MSRA: variants seen among roughly 807,000 people sequenced by gnomAD.
MSRA encodes mitochondrial peptide methionine sulfoxide reductase.
Under a neutral mutation model 31.3 loss-of-function variants are expected in MSRA, and 54 were observed. That is an observed-to-expected ratio of 1.73 (90% CI 1.39 to 2.17). MSRA has a LOEUF of 2.17. MSRA is among the 30% of genes most tolerant of loss of function. The probability of loss-of-function intolerance (pLI) is 0.00; values close to 1 mark genes in which losing one functional copy is unlikely to be tolerated. For synonymous variants in MSRA, 169 were observed against 116.5 expected (o/e 1.45, Z -2.90); for missense variants, 507 against 300.9 (o/e 1.69, Z -5.07).
chr8:10,144,929 T>C (rs1803011926), intron 1 of MSRA, among the ~76,000 whole-genome samples: 3 of 151,786 alleles, frequency 2.0e-5, no homozygotes, highest in African/African-American at 7.3e-5. Flanking sequence ...GCAAAGACTC[T>C]GCCTTCAAAC....
rs572825490 is a variant in MSRA at position 10,181,478 on chromosome 8, C to T, written c.143-26355C>T. ...AAAAACAATGGGAGAGGAAATGAGGCCGAAGACCCATCAGGGATAGATTCT... is the reference window on the plus strand; with the variant it reads ...AAAAACAATGGGAGAGGAAATGAGGTCGAAGACCCATCAGGGATAGATTCT... On this transcript the variant is annotated intron_variant, in intron 1 of 5. Transcript: ENST00000317173. Among the ~76,000 whole-genome samples, 19 of 150,888 alleles carry T rather than the reference C, an allele frequency of 1.3e-4. No homozygotes were observed. The South Asian group carries it at 4.0e-3, about 32-fold the overall frequency.
At chr8:10,196,290 A>C (rs930430311) in intron 1 of MSRA, among the ~76,000 whole-genome samples, 2 of 151,530 alleles carry the variant, frequency 1.3e-5, no homozygotes, top group Non-Finnish European at 2.9e-5. Context: ...GAAACATTTA[A>C]TGATGTTTTG....
intron 3 of MSRA, among the ~76,000 whole-genome samples, chr8:10,290,984 C>T (rs921815421): frequency 1.3e-5 from 2 of 152,074 alleles, no homozygotes; most frequent in Non-Finnish European, 2.9e-5. Flanking sequence ...CTGGAAAATC[C>T]AGCTCAAAGG....
intron 5 of MSRA, among the ~76,000 whole-genome samples, chr8:10,339,414 A>G (rs899119050): frequency 6.6e-6 from 1 of 151,442 alleles, no homozygotes; most frequent in South Asian, 2.1e-4. Context: ...AATTGGATCT[A>G]TTTAGATGTC....
intron 2 of MSRA, among the ~76,000 whole-genome samples, chr8:10,233,462 G>C (rs1280516272): frequency 6.6e-6 from 1 of 152,198 alleles, no homozygotes; most frequent in African/African-American, 2.4e-5. Context: ...GTTCAAAGAG[G>C]TCAGTGAAGA....
At chr8:10,201,568 A>T (rs921105112) in intron 1 of MSRA, among the ~76,000 whole-genome samples, 2 of 152,174 alleles carry the variant, frequency 1.3e-5, no homozygotes, top group South Asian at 4.1e-4. Flanking sequence ...TGATTGGTTT[A>T]TGCCTGATTT....
intron 2 of MSRA, among the ~76,000 whole-genome samples, chr8:10,216,640 C>G (rs1009149934): frequency 1.3e-5 from 2 of 152,206 alleles, no homozygotes; most frequent in Admixed American, 1.3e-4. Flanking sequence ...TTTGACTACT[C>G]TAGGGACCTC....
intron 2 of MSRA, among the ~76,000 whole-genome samples, chr8:10,214,477 T>G (rs1481326057): frequency 6.6e-6 from 1 of 152,092 alleles, no homozygotes; most frequent in Non-Finnish European, 1.5e-5. Flanking sequence ...CAAAGGGAAG[T>G]GTCTTGGTGT....
chr8:10,201,384 A>C (rs1346635763), intron 1 of MSRA, among the ~76,000 whole-genome samples: 1 of 152,034 alleles, frequency 6.6e-6, no homozygotes, highest in African/African-American at 2.4e-5. Context: ...TCCTGAGATG[A>C]TTTTGTGTCT....
intron 5 of MSRA, among the ~76,000 whole-genome samples, chr8:10,394,350 A>G (rs935365358): frequency 6.6e-6 from 1 of 152,238 alleles, no homozygotes; most frequent in Admixed American, 6.5e-5. Context: ...GTGTCAAGCC[A>G]TAAACAGAGT....
At chr8:10,256,025 C>T (rs1798159062) in intron 3 of MSRA, among the ~76,000 whole-genome samples, 1 of 152,050 alleles carries the variant, frequency 6.6e-6, no homozygotes, top group Admixed American at 6.6e-5. Context: ...GTTGAGTTCA[C>T]TCTTGATGTT....
rs1338158944 is a variant in MSRA, at chr8:10,292,453, C to T, written c.332-9081C>T. On this transcript the variant is annotated intron_variant, in intron 3 of 5. Transcript: ENST00000317173. ...TGATCCCAAGTAGAATAAGATGGGG[C>T]GGCAGGGCCGGGTGTGGAAGGAAAC... Among the ~76,000 whole-genome samples the T allele has an allele frequency of 2.6e-5, 4 of 152,346 alleles. No homozygotes were observed. The East Asian group carries it at 5.8e-4, about 22-fold the overall frequency.
At position 10,195,793 on chromosome 8, in the gene MSRA, A is replaced by G. The variant is rs551312464; in HGVS notation, c.143-12040A>G. ...AAGACAAGTTTGCTGTAAAGTTTAT[A>G]ATGACACAGTTCATGCTCCATTTTT... On this transcript the variant is annotated intron_variant, in intron 1 of 5. Coordinates refer to ENST00000317173, the MANE Select transcript of MSRA (RefSeq NM_012331.5). 3.3e-5 allele frequency among the ~76,000 whole-genome samples: 5 copies of G among 152,362 alleles called. No individual in the cohort carries two copies. The South Asian group carries it at 8.3e-4, about 25-fold the overall frequency.
intron 5 of MSRA, among the ~76,000 whole-genome samples, chr8:10,348,948 T>A (rs942978132): frequency 6.6e-6 from 1 of 152,106 alleles, no homozygotes; most frequent in Non-Finnish European, 1.5e-5. Flanking sequence ...GCCTGCCAGC[T>A]TGGTATTTTG....
At chr8:10,149,470 G>A (rs1043014006) in intron 1 of MSRA, among the ~76,000 whole-genome samples, 1 of 152,298 alleles carries the variant, frequency 6.6e-6, no homozygotes, top group African/African-American at 2.4e-5. Flanking sequence ...CCCTGCCCAG[G>A]CCCCTCCAGG....
chr8:10,116,251 A>C (rs1462434842), intron 1 of MSRA, among the ~76,000 whole-genome samples: 2 of 152,134 alleles, frequency 1.3e-5, no homozygotes, highest in Non-Finnish European at 2.9e-5. Context: ...TTTTTAAAAC[A>C]TTGATTTTTT....
intron 3 of MSRA, among the ~76,000 whole-genome samples, chr8:10,247,085 T>G (rs1393921920): frequency 1.3e-5 from 2 of 152,248 alleles, no homozygotes; most frequent in African/African-American, 4.8e-5. Context: ...ATTCCTTGTT[T>G]GCTCGAACCC....
chr8:10,210,033 T>G (rs1472603012), intron 2 of MSRA, among the ~76,000 whole-genome samples: 1 of 152,226 alleles, frequency 6.6e-6, no homozygotes, highest in East Asian at 1.9e-4. Flanking sequence ...ATCCTCACTT[T>G]CTATCACTTG....
At chr8:10,413,297 C>A (rs757159207) in intron 5 of MSRA, among the ~76,000 whole-genome samples, 16 of 152,172 alleles carry the variant, frequency 1.1e-4, no homozygotes, top group Non-Finnish European at 1.2e-4. Flanking sequence ...AATTCGGTGC[C>A]TAACCATTCG....
Sources: allele counts gnomAD v4.1 joint callset (sites outside exome capture counted in the v4.1 genomes callset), GRCh38; gene constraint gnomAD v4.1.1; transcripts MANE v1.5; gene names NCBI Gene and HGNC (gene_info 2026-07-23, HGNC 2026-07-21).